Variants in CSMD1 observed in about 807,000 individuals in gnomAD.
CSMD1 encodes CUB and sushi domain-containing protein 1.
A neutral mutation model predicts 417.5 loss-of-function variants in CSMD1; 213 were observed. The observed-to-expected ratio is 0.51, with a 90% confidence interval of 0.46 to 0.57. The LOEUF is 0.57. Among genes scored for constraint, CSMD1 ranks in the 20% least tolerant of loss-of-function variants. The pLI, the probability that CSMD1 is intolerant of heterozygous loss-of-function variation, is 0.00. For missense variants in CSMD1, 6,923 were observed against 4,529.7 expected (o/e 1.53, Z -15.17); for synonymous variants, 2,862 against 1,736.8 (o/e 1.65, Z -16.11).
chr8:3,998,130 A>C lies in CSMD1; in HGVS notation c.611-20T>G, dbSNP rs368047925. The C allele has an allele frequency of 5.1e-5, 79 of 1,544,958 alleles. No homozygotes were observed. The African/African-American group carries it at 8.7e-4, about 17-fold the overall frequency. On this transcript the variant is annotated intron_variant, in intron 4 of 69. Coordinates refer to ENST00000635120, the MANE Select transcript of CSMD1 (RefSeq NM_033225.6). ...CCTCAGCTGCAGGGGCAAAAGCAGA[A>C]AGAAAGCATCACATTTCAGGATGGT...
chr8:3,248,482 T>G (rs1190047868), intron 26 of CSMD1, among the ~76,000 whole-genome samples: 1 of 148,276 alleles, frequency 6.7e-6, no homozygotes, highest in Non-Finnish European at 1.5e-5. Context: ...GTGACATCAG[T>G]GAAGCCCCTC....
intron 54 of CSMD1, among the ~76,000 whole-genome samples, chr8:2,988,809 G>A (rs992788458): frequency 3.9e-5 from 6 of 152,022 alleles, no homozygotes; most frequent in Admixed American, 3.9e-4. Flanking sequence ...AGCACTGCAG[G>A]GCTGGATAGA....
chr8:4,258,449 A>G (rs1363495887), intron 3 of CSMD1, among the ~76,000 whole-genome samples: 1 of 58 alleles, frequency 0.017, no homozygotes, highest in Non-Finnish European at 0.029. Flanking sequence ...GGAGGATGGA[A>G]GGAGGGAGAG....
intron 7 of CSMD1, among the ~76,000 whole-genome samples, chr8:3,699,911 A>G (rs1194594953): frequency 2.0e-5 from 3 of 151,082 alleles, no homozygotes; most frequent in Non-Finnish European, 4.4e-5. Flanking sequence ...TCCCATAACT[A>G]CATCCCTGGG....
chr8:2,941,488 T>C (rs1420739789), intron 69 of CSMD1, among the ~76,000 whole-genome samples: 2 of 152,240 alleles, frequency 1.3e-5, no homozygotes, highest in Non-Finnish European at 2.9e-5. Flanking sequence ...TCAAATAGTA[T>C]TTTAGAGTAG....
At chr8:3,514,973 G>A (rs1156655904) in intron 10 of CSMD1, among the ~76,000 whole-genome samples, 2 of 152,076 alleles carry the variant, frequency 1.3e-5, no homozygotes, top group African/African-American at 4.8e-5. Flanking sequence ...ATATCAAAGT[G>A]CCTTTTAAAA....
intron 3 of CSMD1, among the ~76,000 whole-genome samples, chr8:4,207,502 A>G (rs181660396): frequency 1.8e-4 from 28 of 152,300 alleles, no homozygotes; most frequent in African/African-American, 5.8e-4. Flanking sequence ...TTCATTTAAA[A>G]TTAATATTTC....
At chr8:3,378,357 C>G (rs912899605) in intron 18 of CSMD1, among the ~76,000 whole-genome samples, 6 of 152,116 alleles carry the variant, frequency 3.9e-5, no homozygotes, top group African/African-American at 1.4e-4. Context: ...TGAAACTATT[C>G]CAGACAATAA....
At chr8:3,107,292 G>C (rs921103139) in intron 45 of CSMD1, 1 of 158,758 alleles carries the variant, frequency 6.3e-6, no homozygotes, top group East Asian at 1.9e-4. Flanking sequence ...TTATATCCCA[G>C]TTTCAATGAA....
intron 52 of CSMD1, among the ~76,000 whole-genome samples, chr8:3,005,083 G>C (rs1359138223): frequency 1.3e-5 from 2 of 152,142 alleles, no homozygotes; most frequent in East Asian, 1.9e-4. Flanking sequence ...AGGTTGCAGT[G>C]AGCCGAGATT....
At chr8:4,802,222 G>A (rs1318778006) in intron 1 of CSMD1, among the ~76,000 whole-genome samples, 1 of 152,126 alleles carries the variant, frequency 6.6e-6, no homozygotes, top group Non-Finnish European at 1.5e-5. Context: ...AGTACAATTG[G>A]CTTAAACTAG....
chr8:3,862,032 A>T (rs186825523), intron 5 of CSMD1, among the ~76,000 whole-genome samples: 2 of 152,204 alleles, frequency 1.3e-5, no homozygotes, highest in East Asian at 3.9e-4. Context: ...CCATGCCCCA[A>T]CCATTGCTTG....
intron 1 of CSMD1, among the ~76,000 whole-genome samples, chr8:4,727,267 A>C (rs934134482): frequency 6.6e-6 from 1 of 152,200 alleles, no homozygotes; most frequent in East Asian, 1.9e-4. Context: ...AAACCAGTTA[A>C]TGTCTACCGG....
At chr8:4,128,189 A>T (rs1298755369) in intron 3 of CSMD1, among the ~76,000 whole-genome samples, 1 of 152,156 alleles carries the variant, frequency 6.6e-6, no homozygotes, top group Non-Finnish European at 1.5e-5. Flanking sequence ...CTGCGGAAAA[A>T]GTGCCCTGAG....
chr8:4,576,953 C>G (rs555670846), intron 2 of CSMD1, among the ~76,000 whole-genome samples: 9 of 152,302 alleles, frequency 5.9e-5, no homozygotes, highest in African/African-American at 2.2e-4. Context: ...CCTCCAAGCT[C>G]TCAGCTAAGT....
intron 5 of CSMD1, among the ~76,000 whole-genome samples, chr8:3,969,027 G>C (rs183955402): frequency 2.0e-5 from 3 of 152,288 alleles, no homozygotes; most frequent in Non-Finnish European, 4.4e-5. Flanking sequence ...GAGGCAGGTG[G>C]ATCACTTGAG....
chr8:3,086,854 CTGT>C (rs1219865871), intron 49 of CSMD1, among the ~76,000 whole-genome samples: 3 of 152,182 alleles, frequency 2.0e-5, no homozygotes, highest in Non-Finnish European at 4.4e-5. Context: ...GGAAGTACAA[CTGT>C]TAGAATAACT....
chr8:3,583,273 C>T (rs928640465), intron 9 of CSMD1, among the ~76,000 whole-genome samples: 2 of 151,890 alleles, frequency 1.3e-5, no homozygotes, highest in African/African-American at 4.8e-5. Flanking sequence ...ACTGCTTGGA[C>T]ATGAGGTGTT....
At chr8:4,395,747 T>G (rs1010359027) in intron 3 of CSMD1, among the ~76,000 whole-genome samples, 2 of 147,922 alleles carry the variant, frequency 1.4e-5, no homozygotes, top group African/African-American at 5.0e-5. Flanking sequence ...TTCTGCTGTG[T>G]AAGCATTTGT....
Sources: allele counts gnomAD v4.1 joint callset (sites outside exome capture counted in the v4.1 genomes callset), GRCh38; gene constraint gnomAD v4.1.1; transcripts MANE v1.5; gene names NCBI Gene and HGNC (gene_info 2026-07-23, HGNC 2026-07-21).